MFAP3L: variants seen among roughly 807,000 people sequenced by gnomAD.
MFAP3L encodes the protein microfibril associated protein 3 like.
MFAP3L carries 5 observed loss-of-function variants against 20.0 expected under a neutral mutation model. The ratio of observed to expected loss-of-function variants is 0.25; its 90% CI spans 0.13 to 0.53. MFAP3L has a LOEUF of 0.53. Among genes scored for constraint, MFAP3L ranks in the 20% least tolerant of loss-of-function variants. MFAP3L has a pLI of 0.96. For missense variants in MFAP3L, 409 were observed against 527.5 expected (o/e 0.78, Z 2.20); for synonymous variants, 219 against 213.0 (o/e 1.03, Z -0.25).
chr4:169,992,392 TGAACATCTATGAA>T lies in MFAP3L; in HGVS notation c.299-96_299-84del, dbSNP rs539051846. 3.0e-4 allele frequency: 353 copies of T among 1,171,642 alleles called. 1 individual carries two copies. The African/African-American group carries it at 4.9e-3, about 16-fold the overall frequency. 72.6% of individuals were successfully genotyped at this position (1,171,642 alleles called of 1,614,324 possible). ...ACTGATACGTTTCTAAGAACATCTA[TGAACATCTATGAA>T]GAACATCTATGAAGTCTATGAACGT... On this transcript the variant is annotated intron_variant, in intron 2 of 2. Coordinates refer to ENST00000361618, the MANE Select transcript of MFAP3L (RefSeq NM_021647.8). The surrounding 1 kb of genome is among the most constrained non-coding windows in gnomAD (Gnocchi z 4.3).
intron 1 of MFAP3L, among the ~76,000 whole-genome samples, chr4:170,021,591 A>T (rs2111076973): frequency 6.6e-6 from 1 of 152,274 alleles, no homozygotes; most frequent in East Asian, 1.9e-4. Flanking sequence ...ACATTGTCTG[A>T]AAAATTTGTT....
Position 169,991,513 on chromosome 4 carries a change from G to C in MFAP3L, c.1095C>G (p.Ser365=). The part of the protein sequence containing the change: ...ETAEPSTDVT[S]TELTSEEPTP... Reference sequence around the variant, plus strand: ...TTGGCTCTTCAGATGTTAGCTCGGTGGACGTGACATCGGTAGAAGGTTCTG... The same window carrying C: ...TTGGCTCTTCAGATGTTAGCTCGGTCGACGTGACATCGGTAGAAGGTTCTG... The change falls in exon 3 of 3, where the codon TCC becomes TCG. Residue 365 remains serine (S), a synonymous_variant. Transcript: ENST00000361618. The surrounding 1 kb of genome is among the most constrained non-coding windows in gnomAD (Gnocchi z 4.9). 1 of 1,614,194 alleles carries C rather than the reference G, an allele frequency of 6.2e-7. No individual in the cohort carries two copies. The highest frequency in any genetic ancestry group is 8.5e-7 in the Non-Finnish European group (1 of 1,180,040).
intron 2 of MFAP3L, among the ~76,000 whole-genome samples, chr4:170,000,366 G>T (rs1178770561): frequency 6.6e-6 from 1 of 152,130 alleles, no homozygotes; most frequent in Non-Finnish European, 1.5e-5. Flanking sequence ...AAATTACCCA[G>T]AAAACTCTTT....
chr4:169,993,468 G>A (rs1352759344), intron 2 of MFAP3L: 1 of 152,192 alleles, frequency 6.6e-6, no homozygotes, highest in Admixed American at 6.5e-5. Context: ...TCTCCTTATG[G>A]TAGTGAGTTT....
Position 170,026,266 on chromosome 4 carries a change from T to A in MFAP3L, c.-166A>T, listed in dbSNP as rs1240616000. On this transcript the variant is annotated 5_prime_UTR_variant, in exon 1 of 3. Transcript: ENST00000361618. ...CGCCGCGCCACTCAGGTGGCCGCCG[T>A]GCACCCCTCGCCATGGCCAGCCCGA... is the stretch of plus-strand genomic sequence containing the variant. 1.1e-5 allele frequency: 11 copies of A among 984,216 alleles called. No homozygotes were observed. Among genetic ancestry groups the A allele is most frequent in the Non-Finnish European group, 1.3e-5 (11 of 829,640 alleles). 61.0% of individuals were successfully genotyped at this position (984,216 alleles called of 1,614,324 possible). A position where few individuals can be genotyped will look rare whatever the true frequency, so the allele number is the denominator to read the frequency against.
At chr4:170,018,883 G>A (rs1020512537) in intron 1 of MFAP3L, among the ~76,000 whole-genome samples, 4 of 152,208 alleles carry the variant, frequency 2.6e-5, no homozygotes, top group Admixed American at 6.5e-5. Flanking sequence ...CCGGGGGTGG[G>A]GCAGTGAAGC....
At chr4:170,023,141 A>G (rs921473552) in intron 1 of MFAP3L, among the ~76,000 whole-genome samples, 15 of 152,088 alleles carry the variant, frequency 9.9e-5, no homozygotes, top group African/African-American at 3.6e-4. Flanking sequence ...ATGTCACTCC[A>G]AGCATGAGGT....
intron 1 of MFAP3L, among the ~76,000 whole-genome samples, chr4:170,020,548 G>A (rs181664353): frequency 2.0e-3 from 308 of 151,720 alleles, no homozygotes; most frequent in Middle Eastern, 6.8e-3. Flanking sequence ...CAAGTCCTAC[G>A]CAGGACCTAG....
At chr4:169,997,802 C>CTTCTTT (rs1553998621) in intron 2 of MFAP3L, 37 of 941,996 alleles carry the variant, frequency 3.9e-5, no homozygotes, top group Non-Finnish European at 4.2e-5. Context: ...TTCATTAATT[C>CTTCTTT]TTTTTTTTTT....
At chr4:170,007,700 G>A (rs1322816107) in intron 1 of MFAP3L, among the ~76,000 whole-genome samples, 1 of 152,122 alleles carries the variant, frequency 6.6e-6, no homozygotes, top group Non-Finnish European at 1.5e-5. Context: ...TTTCAGCACT[G>A]GGTCCTTTGC....
intron 2 of MFAP3L, among the ~76,000 whole-genome samples, chr4:169,998,234 C>T (rs1424262967): frequency 6.6e-6 from 1 of 152,204 alleles, no homozygotes; most frequent in Non-Finnish European, 1.5e-5. Flanking sequence ...CCAGGTAGCC[C>T]ATCTGGCAAT....
Position 170,026,306 on chromosome 4 carries a change from C to G in MFAP3L, c.-206G>C. The G allele has an allele frequency of 1.0e-6, 1 of 983,498 alleles. No homozygotes were observed. Among genetic ancestry groups the G allele is most frequent in the Non-Finnish European group, 1.2e-6 (1 of 829,020 alleles). The allele number at this position is 983,498 out of a possible 1,614,324, so 60.9% of individuals were successfully genotyped here. A position where few individuals can be genotyped will look rare whatever the true frequency, so the allele number is the denominator to read the frequency against. ...GGCCAGCCCGACAGCGGCCGCTGCG[C>G]CGCACTCTGCGCCGGACGCCCGGTA... is the stretch of plus-strand genomic sequence containing the variant. On this transcript the variant is annotated 5_prime_UTR_variant, in exon 1 of 3. Coordinates refer to ENST00000361618, the MANE Select transcript of MFAP3L (RefSeq NM_021647.8).
In MFAP3L at chr4:169,987,872, C is replaced by G. The variant is rs1389098519; in HGVS notation, c.*3506G>C. On this transcript the variant is annotated 3_prime_UTR_variant, in exon 3 of 3. Transcript: ENST00000361618. ...ATCACATTGCTTTCTTGTTATCTCACATTTGCCCTTCAAAACAAAGTTTCG... is the reference window on the plus strand; with the variant it reads ...ATCACATTGCTTTCTTGTTATCTCAGATTTGCCCTTCAAAACAAAGTTTCG... 1 of 152,172 alleles carries G rather than the reference C, an allele frequency of 6.6e-6. No individual in the cohort carries two copies. Among genetic ancestry groups the G allele is most frequent in the Non-Finnish European group, 1.5e-5 (1 of 68,028 alleles). The allele number at this position is 152,172 out of a possible 1,614,324, so 9.4% of individuals were successfully genotyped here. A position where few individuals can be genotyped will look rare whatever the true frequency, so the allele number is the denominator to read the frequency against.
At chr4:170,020,120 C>T (rs1739935334) in intron 1 of MFAP3L, among the ~76,000 whole-genome samples, 1 of 152,168 alleles carries the variant, frequency 6.6e-6, no homozygotes, top group African/African-American at 2.4e-5. Flanking sequence ...TGGTTAAGCA[C>T]AGGCAGTGGA....
chr4:170,004,749 G>A (rs1560979122), intron 2 of MFAP3L, among the ~76,000 whole-genome samples: 1 of 152,220 alleles, frequency 6.6e-6, no homozygotes, highest in Admixed American at 6.5e-5. Flanking sequence ...GGAGGGCAAT[G>A]TGAATGGAAG....
chr4:169,998,623 A>C (rs1193063602), intron 2 of MFAP3L, among the ~76,000 whole-genome samples: 1 of 152,210 alleles, frequency 6.6e-6, no homozygotes, highest in East Asian at 1.9e-4. Context: ...CCAAATGCTA[A>C]GCTTTTAAAA....
At chr4:170,001,482 C>T (rs1196912132) in intron 2 of MFAP3L, among the ~76,000 whole-genome samples, 1 of 152,180 alleles carries the variant, frequency 6.6e-6, no homozygotes, top group African/African-American at 2.4e-5. Flanking sequence ...CAAACTTAAT[C>T]TCTAACAAAC....
chr4:170,001,248 C>T (rs2110973106), intron 2 of MFAP3L, among the ~76,000 whole-genome samples: 1 of 152,230 alleles, frequency 6.6e-6, no homozygotes, highest in South Asian at 2.1e-4. Context: ...AGTTAAAAGG[C>T]ATATTACAAT....
intron 1 of MFAP3L, among the ~76,000 whole-genome samples, chr4:170,010,813 G>GC (rs922474397): frequency 2.0e-5 from 3 of 151,770 alleles, no homozygotes; most frequent in East Asian, 1.9e-4. Context: ...CATTGCGGGG[G>GC]GGTGGGTGCC....
Sources: allele counts gnomAD v4.1 joint callset (sites outside exome capture counted in the v4.1 genomes callset), GRCh38; gene constraint gnomAD v4.1.1; non-coding constraint Gnocchi (gnomAD v3.1); transcripts MANE v1.5; gene names NCBI Gene and HGNC (gene_info 2026-07-23, HGNC 2026-07-21).